DENND5B: variants seen among roughly 807,000 people sequenced by gnomAD.
DENND5B encodes DENN domain-containing protein 5B.
Under a neutral mutation model 140.6 loss-of-function variants are expected in DENND5B, and 34 were observed. The observed-to-expected ratio is 0.24, with a 90% confidence interval of 0.18 to 0.32. DENND5B has a LOEUF of 0.32. DENND5B is among the 10% of genes least tolerant of loss of function. The pLI, the probability that DENND5B is intolerant of heterozygous loss-of-function variation, is 1.00. For synonymous variants in DENND5B, 551 were observed against 562.1 expected (o/e 0.98, Z 0.28); for missense variants, 1,142 against 1,560.2 (o/e 0.73, Z 4.52).
chr12:31,566,604 A>G (rs1277730512), intron 1 of DENND5B, among the ~76,000 whole-genome samples: 1 of 152,118 alleles, frequency 6.6e-6, no homozygotes, highest in Non-Finnish European at 1.5e-5. Context: ...CCAGGTATCT[A>G]CAATAATTTT....
intron 1 of DENND5B, among the ~76,000 whole-genome samples, chr12:31,502,318 C>CA (rs1947040178): frequency 8.8e-6 from 1 of 114,012 alleles, no homozygotes; most frequent in African/African-American, 2.8e-5. Context: ...GTCTCAAAAA[C>CA]AAAAACAAAA....
chr12:31,560,961 T>C (rs994514184), intron 1 of DENND5B, among the ~76,000 whole-genome samples: 1 of 152,160 alleles, frequency 6.6e-6, no homozygotes, highest in African/African-American at 2.4e-5. Context: ...CTATGCTTAG[T>C]GAGCTCATTT....
At position 31,437,162 on chromosome 12, in the gene DENND5B, A is replaced by C. The variant is rs1302991043; in HGVS notation, c.2013-3914T>G. Among the ~76,000 whole-genome samples the C allele has an allele frequency of 3.7e-5, 5 of 133,474 alleles. No homozygotes were observed. In the South Asian group the frequency reaches 1.3e-3, roughly 34 times the overall value. 87.6% of individuals were successfully genotyped at this position (133,474 alleles called of 152,430 possible). ...TGCCCCCCCCTTTTTTTTTTTTTTGAGACGGAGTCTCACTCTGTCGTCCAG... is the reference window on the plus strand; with the variant it reads ...TGCCCCCCCCTTTTTTTTTTTTTTGCGACGGAGTCTCACTCTGTCGTCCAG... On this transcript the variant is annotated intron_variant, in intron 7 of 20. Transcript: ENST00000389082.
At chr12:31,451,505 C>T (rs906069318) in intron 5 of DENND5B, among the ~76,000 whole-genome samples, 7 of 151,740 alleles carry the variant, frequency 4.6e-5, no homozygotes, top group African/African-American at 1.5e-4. Context: ...TTGTATTTTT[C>T]GTAGAGACGG....
intron 3 of DENND5B, among the ~76,000 whole-genome samples, chr12:31,468,073 C>G (rs1945359544): frequency 1.3e-5 from 2 of 151,786 alleles, no homozygotes; most frequent in Non-Finnish European, 2.9e-5. Context: ...GGGCAACATA[C>G]AGAGACCCCA....
chr12:31,502,272 G>A (rs540140642), intron 1 of DENND5B, among the ~76,000 whole-genome samples: 7 of 152,144 alleles, frequency 4.6e-5, no homozygotes, highest in Non-Finnish European at 8.8e-5. Context: ...CCAAGATCAC[G>A]CCACTGCACT....
chr12:31,458,795 T>G (rs1310737642), intron 4 of DENND5B, among the ~76,000 whole-genome samples: 1 of 152,158 alleles, frequency 6.6e-6, no homozygotes, highest in Non-Finnish European at 1.5e-5. Flanking sequence ...AAGAAAGATG[T>G]GAATTAAATA....
intron 18 of DENND5B, 65 bp from the exon 19 acceptor site, chr12:31,392,458 G>C (rs746741488): frequency 8.2e-6 from 13 of 1,594,124 alleles, no homozygotes; most frequent in Non-Finnish European, 1.0e-5. Context: ...AAAAACACTA[G>C]AGAAGCAAGT....
At chr12:31,491,727 A>C (rs1212992100) in intron 2 of DENND5B, among the ~76,000 whole-genome samples, 2 of 152,238 alleles carry the variant, frequency 1.3e-5, no homozygotes, top group African/African-American at 4.8e-5. Flanking sequence ...GAGGAAAAAA[A>C]ACTAATTCAG....
At chr12:31,565,978 GA>G (rs994564775) in intron 1 of DENND5B, among the ~76,000 whole-genome samples, 2 of 150,220 alleles carry the variant, frequency 1.3e-5, no homozygotes, top group African/African-American at 2.4e-5. Context: ...CCCATCTCTA[GA>G]AAAAAAAATA....
At chr12:31,507,797 C>T (rs190984035) in intron 1 of DENND5B, among the ~76,000 whole-genome samples, 3 of 152,184 alleles carry the variant, frequency 2.0e-5, no homozygotes, top group African/African-American at 4.8e-5. Flanking sequence ...AATACAGCCA[C>T]GAAAACAAGG....
At chr12:31,484,924 T>C (rs999084360) in intron 2 of DENND5B, among the ~76,000 whole-genome samples, 1 of 152,058 alleles carries the variant, frequency 6.6e-6, no homozygotes, top group East Asian at 1.9e-4. Context: ...CAACAAAAAG[T>C]GGATTTCATT....
At chr12:31,588,997 A>G (rs1266729528) in intron 1 of DENND5B, among the ~76,000 whole-genome samples, 6 of 152,370 alleles carry the variant, frequency 3.9e-5, no homozygotes, top group South Asian at 4.1e-4. Flanking sequence ...AAAATGCATT[A>G]AAGTCTAATT....
chr12:31,548,348 C>T (rs369863109), intron 1 of DENND5B, among the ~76,000 whole-genome samples: 6 of 151,494 alleles, frequency 4.0e-5, no homozygotes, highest in African/African-American at 1.2e-4. Flanking sequence ...GAGCTGTGAT[C>T]GCTCTACTGC....
intron 11 of DENND5B, among the ~76,000 whole-genome samples, chr12:31,421,329 G>A (rs1943013868): frequency 6.6e-6 from 1 of 152,028 alleles, no homozygotes; most frequent in Non-Finnish European, 1.5e-5. Flanking sequence ...ACAGGCATGA[G>A]CCACCGTGCC....
At chr12:31,422,942 CTTTTTTT>C (rs369745344) in intron 11 of DENND5B, among the ~76,000 whole-genome samples, 1 of 139,880 alleles carries the variant, frequency 7.1e-6, no homozygotes, top group East Asian at 2.1e-4. Flanking sequence ...GTTATAAAAA[CTTTTTTT>C]TTTTTTTTTG....
intron 1 of DENND5B, among the ~76,000 whole-genome samples, chr12:31,565,860 G>A (rs1054522434): frequency 6.6e-6 from 1 of 152,112 alleles, no homozygotes; most frequent in Admixed American, 6.5e-5. Context: ...AAAAAATAGT[G>A]GCCTGGCACA....
At chr12:31,574,360 C>T (rs1374798199) in intron 1 of DENND5B, among the ~76,000 whole-genome samples, 2 of 150,774 alleles carry the variant, frequency 1.3e-5, no homozygotes, top group East Asian at 2.0e-4. Context: ...GAGGCCAAGG[C>T]GGGTGGAGCT....
intron 1 of DENND5B, among the ~76,000 whole-genome samples, chr12:31,570,843 T>A (rs576990646): frequency 3.2e-4 from 49 of 152,126 alleles, no homozygotes; most frequent in African/African-American, 9.7e-4. Context: ...GTCTAAACAT[T>A]TGAAACTCAC....
Sources: allele counts gnomAD v4.1 joint callset (sites outside exome capture counted in the v4.1 genomes callset), GRCh38; gene constraint gnomAD v4.1.1; transcripts MANE v1.5; gene names NCBI Gene and HGNC (gene_info 2026-07-23, HGNC 2026-07-21).